LARGE1: variants seen among roughly 807,000 people sequenced by gnomAD.
LARGE1 encodes the protein xylosyl- and glucuronyltransferase LARGE1.
Under a neutral mutation model 87.6 loss-of-function variants are expected in LARGE1, and 43 were observed. The ratio of observed to expected loss-of-function variants is 0.49; its 90% CI spans 0.38 to 0.63. The LOEUF (loss-of-function observed/expected upper bound fraction) is 0.63. LARGE1 is among the 30% of genes least tolerant of loss of function. The pLI is 0.00. For synonymous variants in LARGE1, 434 were observed against 394.6 expected (o/e 1.10, Z -1.18); for missense variants, 802 against 1,000.2 (o/e 0.80, Z 2.67).
At chr22:33,156,041 C>T in the LARGE1 span, among the ~76,000 whole-genome samples, 2 of 152,322 alleles carry the variant, frequency 1.3e-5, no homozygotes, top group South Asian at 4.1e-4. Flanking sequence ...GTTTGGGAAC[C>T]TCTGCCTAGA....
intron 2 of LARGE1, among the ~76,000 whole-genome samples, chr22:33,666,519 C>T (rs2283927): frequency 0.054 from 8,151 of 152,188 alleles, 311 homozygotes; most frequent in East Asian, 0.17. Flanking sequence ...CCAATAGAGA[C>T]GCACCTATTC....
At chr22:33,908,374 G>A (rs1373381037) in intron 1 of LARGE1, among the ~76,000 whole-genome samples, 2 of 152,106 alleles carry the variant, frequency 1.3e-5, no homozygotes, top group African/African-American at 4.8e-5. Context: ...TTAAGAGGCA[G>A]GACTACCTGA....
chr22:33,183,650 A>G (rs1923312783), intron 11 of LARGE1, among the ~76,000 whole-genome samples: 1 of 151,728 alleles, frequency 6.6e-6, no homozygotes, highest in African/African-American at 2.4e-5. Flanking sequence ...ACACACACAC[A>G]CACAGTATTT....
Position 33,526,994 on chromosome 22 carries a change from C to T in LARGE1, c.787+37854G>A, listed in dbSNP as rs144131684. Among the ~76,000 whole-genome samples, 115 of 152,310 alleles carry T rather than the reference C, an allele frequency of 7.6e-4. 1 individual carries two copies. The highest frequency in any genetic ancestry group is 5.2e-3 in the Admixed American group (79 of 15,306). On this transcript the variant is annotated intron_variant, in intron 6 of 14. Transcript: ENST00000397394. ...AATTCCGGCTGGGTGCAGTGGCACA[C>T]GCCTGTAATCGCAGCACTTTGAGAG...
intron 1 of LARGE1, among the ~76,000 whole-genome samples, chr22:33,867,481 G>A (rs945742161): frequency 2.0e-4 from 31 of 152,118 alleles, no homozygotes; most frequent in African/African-American, 5.8e-4. Context: ...CCCAGCCCTC[G>A]GACTCACCTG....
chr22:33,783,989 C>CT (rs901393762), intron 1 of LARGE1, among the ~76,000 whole-genome samples: 5 of 151,948 alleles, frequency 3.3e-5, no homozygotes, highest in East Asian at 1.9e-4. Context: ...CTAAGACAAT[C>CT]TCTCTCTTTC....
rs764304730 is a variant in LARGE1 at position 33,604,696 on chromosome 22, C to T, written c.492-138G>A. ...TTGTGAAAGTAAATCTGGAATGTTA[C>T]GAAAACAGTGCTCACTGGTGAGGCT... On this transcript the variant is annotated intron_variant, in intron 4 of 14. Coordinates refer to ENST00000397394, the MANE Select transcript of LARGE1 (RefSeq NM_133642.5). The T allele has an allele frequency of 5.5e-5, 65 of 1,176,432 alleles. 1 individual carries two copies. The highest frequency in any genetic ancestry group is 3.4e-4 in the South Asian group (26 of 76,260). The allele number at this position is 1,176,432 out of a possible 1,614,324, so 72.9% of individuals were successfully genotyped here.
At chr22:33,624,707 C>A (rs1392409056) in intron 4 of LARGE1, among the ~76,000 whole-genome samples, 2 of 152,208 alleles carry the variant, frequency 1.3e-5, no homozygotes, top group South Asian at 2.1e-4. Context: ...TGATTTCCAC[C>A]CCTTGACAAG....
chr22:33,106,956 G>A, the LARGE1 span, among the ~76,000 whole-genome samples: 4 of 152,310 alleles, frequency 2.6e-5, no homozygotes, highest in South Asian at 8.3e-4. Context: ...TAATGTCCAT[G>A]TAGTTTTTCC....
chr22:33,314,346 T>C (rs553788632), intron 11 of LARGE1, among the ~76,000 whole-genome samples: 1 of 152,246 alleles, frequency 6.6e-6, no homozygotes, highest in Non-Finnish European at 1.5e-5. Flanking sequence ...GTCATTTGCT[T>C]GCATGTGGCG....
At chr22:33,112,831 T>A in the LARGE1 span, among the ~76,000 whole-genome samples, 7 of 152,178 alleles carry the variant, frequency 4.6e-5, no homozygotes, top group Admixed American at 3.3e-4. Flanking sequence ...ATTTTTAGTC[T>A]GGTACAAAAA....
chr22:33,656,701 C>CGTGT (rs1326508620), intron 2 of LARGE1, among the ~76,000 whole-genome samples: 4 of 152,098 alleles, frequency 2.6e-5, no homozygotes, highest in Non-Finnish European at 4.4e-5. Flanking sequence ...TCATGCAATA[C>CGTGT]GTGTGTGTGT....
chr22:33,501,932 C>T (rs1246737248), intron 6 of LARGE1, among the ~76,000 whole-genome samples: 3 of 152,160 alleles, frequency 2.0e-5, no homozygotes, highest in African/African-American at 4.8e-5. Context: ...ATGGCTCACG[C>T]TTGTAATCCC....
At chr22:33,585,091 T>C (rs2078632793) in intron 5 of LARGE1, among the ~76,000 whole-genome samples, 1 of 152,180 alleles carries the variant, frequency 6.6e-6, no homozygotes, top group Admixed American at 6.5e-5. Flanking sequence ...CATTCCAGCC[T>C]GGGTGACACA....
intron 1 of LARGE1, among the ~76,000 whole-genome samples, chr22:33,808,255 G>A (rs897859337): frequency 1.3e-5 from 2 of 152,190 alleles, no homozygotes; most frequent in African/African-American, 2.4e-5. Context: ...GATGACAAAC[G>A]ACATGGAGCA....
At chr22:33,728,483 G>C (rs1362588685) in intron 2 of LARGE1, among the ~76,000 whole-genome samples, 1 of 137,810 alleles carries the variant, frequency 7.3e-6, no homozygotes, top group African/African-American at 2.6e-5. Flanking sequence ...AGGCTGCAGT[G>C]AGCCAAGATC....
At chr22:33,144,699 T>C in the LARGE1 span, among the ~76,000 whole-genome samples, 5 of 152,294 alleles carry the variant, frequency 3.3e-5, no homozygotes, top group Non-Finnish European at 2.9e-5. Context: ...AGTAGCTGGC[T>C]AATTCAGTGT....
At chr22:33,278,746 AG>A (rs933749219) in intron 13 of LARGE1, among the ~76,000 whole-genome samples, 3 of 151,894 alleles carry the variant, frequency 2.0e-5, no homozygotes, top group Non-Finnish European at 4.4e-5. Flanking sequence ...TTTGGGATGG[AG>A]TCTCGCTCTG....
intron 1 of LARGE1, among the ~76,000 whole-genome samples, chr22:33,804,101 A>G (rs1253447003): frequency 6.6e-6 from 1 of 152,122 alleles, no homozygotes; most frequent in East Asian, 1.9e-4. Flanking sequence ...TCTCCTCCCT[A>G]TACAGAAGAG....
Sources: allele counts gnomAD v4.1 joint callset (sites outside exome capture counted in the v4.1 genomes callset), GRCh38; gene constraint gnomAD v4.1.1; transcripts MANE v1.5; gene names NCBI Gene and HGNC (gene_info 2026-07-23, HGNC 2026-07-21).